Variants in CAMTA1 observed in about 807,000 individuals in gnomAD.
The protein encoded by CAMTA1 is calmodulin-binding transcription activator 1.
In CAMTA1, 27 loss-of-function variants were observed where a neutral mutation model predicts 170.9. The observed-to-expected ratio is 0.16, with a 90% CI of 0.12 to 0.22. CAMTA1 has a LOEUF of 0.22. Ranked by LOEUF, CAMTA1 falls within the 10% of genes least tolerant of loss-of-function variation. CAMTA1 has a pLI of 1.00. For synonymous variants in CAMTA1, 833 were observed against 891.5 expected (o/e 0.93, Z 1.17); for missense variants, 1,619 against 2,217.2 (o/e 0.73, Z 5.42).
intron 3 of CAMTA1, among the ~76,000 whole-genome samples, chr1:6,866,728 G>A (rs1404013313): frequency 2.0e-5 from 3 of 152,162 alleles, no homozygotes; most frequent in Non-Finnish European, 2.9e-5. Flanking sequence ...TCTCTTTTTA[G>A]CGAAACTATG....
intron 5 of CAMTA1, among the ~76,000 whole-genome samples, chr1:7,306,183 C>A (rs748826501): frequency 6.6e-6 from 1 of 151,966 alleles, no homozygotes; most frequent in Non-Finnish European, 1.5e-5. Flanking sequence ...TTATGTCTAG[C>A]AAATATTTGC....
Position 7,092,997 on chromosome 1 carries a change from G to A in CAMTA1, c.302+1626G>A, listed in dbSNP as rs1397097561. Among the ~76,000 whole-genome samples, 1 of 152,220 alleles carries A rather than the reference G, an allele frequency of 6.6e-6. No individual in the cohort carries two copies. Among genetic ancestry groups the A allele is most frequent in the African/African-American group, 2.4e-5 (1 of 41,452 alleles). On this transcript the variant is annotated intron_variant, in intron 4 of 22. Transcript: ENST00000303635. The surrounding 1 kb of genome is among the most constrained non-coding windows in gnomAD (Gnocchi z 5.0). ...GGCCAAGCCCAGTAAGAATGGGGCT[G>A]GGAAGGACATCCCTCCACAGAGTGG...
intron 6 of CAMTA1, among the ~76,000 whole-genome samples, chr1:7,495,885 G>A (rs1004442777): frequency 6.6e-6 from 1 of 152,240 alleles, no homozygotes; most frequent in African/African-American, 2.4e-5. Context: ...AAGCCTGCGA[G>A]TCCTGGGAGG....
rs1409076417 is a variant in CAMTA1 at position 7,092,040 on chromosome 1, T to C, written c.302+669T>C. 6.6e-6 allele frequency among the ~76,000 whole-genome samples: 1 copy of C among 152,216 alleles called. No homozygotes were observed. Among genetic ancestry groups the C allele is most frequent in the Non-Finnish European group, 1.5e-5 (1 of 68,042 alleles). ...AGCCTCTTTTGGTCCTCCCCAACTC[T>C]AGGTTTTTATTTTTGGAATGTTACA... On this transcript the variant is annotated intron_variant, in intron 4 of 22. Transcript: ENST00000303635. This position sits in a 1 kb window ranked among gnomAD's most constrained non-coding sequence, Gnocchi z 5.0.
intron 5 of CAMTA1, among the ~76,000 whole-genome samples, chr1:7,453,750 A>G (rs2149473549): frequency 6.6e-6 from 1 of 152,346 alleles, no homozygotes; most frequent in East Asian, 1.9e-4. Flanking sequence ...GCTGACCCTT[A>G]GGCAGAAGAA....
At chr1:7,246,988 C>T (rs929731505) in intron 4 of CAMTA1, among the ~76,000 whole-genome samples, 2 of 152,190 alleles carry the variant, frequency 1.3e-5, no homozygotes, top group African/African-American at 2.4e-5. Context: ...GCCTCATTTT[C>T]TTTGCCTTGG....
rs774532391 is a variant in CAMTA1, at chr1:7,748,608, T to C, written c.4689+827T>C. ...GGGAATCCAGGGTGTGATACCGTGA[T>C]TGGAGAAAGTAAATGCTGGCTATTT... On this transcript the variant is annotated intron_variant, in intron 19 of 22. Transcript: ENST00000303635. The surrounding 1 kb of genome is among the most constrained non-coding windows in gnomAD (Gnocchi z 4.7). Among the ~76,000 whole-genome samples the C allele has an allele frequency of 1.3e-5, 2 of 152,234 alleles. No homozygotes were observed. The highest frequency in any genetic ancestry group is 2.9e-5 in the Non-Finnish European group (2 of 68,044).
intron 6 of CAMTA1, among the ~76,000 whole-genome samples, chr1:7,539,852 G>A (rs2094588972): frequency 6.6e-6 from 1 of 152,246 alleles, no homozygotes; most frequent in Non-Finnish European, 1.5e-5. Flanking sequence ...ATGAGTCAGA[G>A]AACTAGCGGG....
chr1:7,743,587 C>T (rs919198554), intron 16 of CAMTA1, among the ~76,000 whole-genome samples: 4 of 152,224 alleles, frequency 2.6e-5, no homozygotes, highest in East Asian at 1.9e-4. Context: ...CAGCCCACTG[C>T]GGCTGTTTCC....
chr1:7,730,437 G>A (rs548465601), intron 11 of CAMTA1, among the ~76,000 whole-genome samples: 9 of 152,304 alleles, frequency 5.9e-5, no homozygotes, highest in Non-Finnish European at 7.4e-5. Flanking sequence ...ATCATTCTGA[G>A]CAAACTCGAA....
intron 4 of CAMTA1, among the ~76,000 whole-genome samples, chr1:7,186,167 A>G (rs560132293): frequency 6.6e-6 from 1 of 152,190 alleles, no homozygotes; most frequent in East Asian, 1.9e-4. Context: ...AGGGAGAGCA[A>G]AAGAGCAAAA....
chr1:7,290,637 C>G (rs754175938), intron 5 of CAMTA1, among the ~76,000 whole-genome samples: 3 of 152,120 alleles, frequency 2.0e-5, no homozygotes, highest in Non-Finnish European at 2.9e-5. Flanking sequence ...TTAGTGCTTT[C>G]TCCGCATATA....
chr1:6,830,844 A>C (rs1464045016), intron 3 of CAMTA1, among the ~76,000 whole-genome samples: 10 of 151,506 alleles, frequency 6.6e-5, no homozygotes, highest in African/African-American at 7.3e-5. Context: ...TTTGAGATGG[A>C]GTCTCACTCT....
At chr1:7,208,487 G>T (rs1210706838) in intron 4 of CAMTA1, among the ~76,000 whole-genome samples, 1 of 152,220 alleles carries the variant, frequency 6.6e-6, no homozygotes, top group African/African-American at 2.4e-5. Flanking sequence ...TGTGCTAGGT[G>T]ATGTGAAAGC....
rs2095306529 is a variant in CAMTA1 at position 7,585,978 on chromosome 1, G to T, written c.511-54422G>T. ...CCAGCTCCTCACATGCACTCACAGG[G>T]CAGGGACAAGTTTGCGGTAGAAATC... is the stretch of plus-strand genomic sequence containing the variant. On this transcript the variant is annotated intron_variant, in intron 6 of 22. Transcript: ENST00000303635. This position sits in a 1 kb window ranked among gnomAD's most constrained non-coding sequence, Gnocchi z 4.8. Among the ~76,000 whole-genome samples, 1 of 152,130 alleles carries T rather than the reference G, an allele frequency of 6.6e-6. No homozygotes were observed. The highest frequency in any genetic ancestry group is 1.5e-5 in the Non-Finnish European group (1 of 68,034).
rs70987364 is a variant in CAMTA1 at position 7,688,011 on chromosome 1, C to CTTTT, written c.2914+10292_2914+10295dup. Among the ~76,000 whole-genome samples, 97 of 103,264 alleles carry CTTTT rather than the reference C, an allele frequency of 9.4e-4. 4 individuals carry two copies. Among genetic ancestry groups the CTTTT allele is most frequent in the African/African-American group, 3.5e-3 (94 of 26,924 alleles). 67.7% of individuals were successfully genotyped at this position (103,264 alleles called of 152,430 possible). ...CGATTACGTCGGACTCTCATTATTCCTTTTTTTTTTTTTTTTTGGCAGAGT... is the reference window on the plus strand; with the variant it reads ...CGATTACGTCGGACTCTCATTATTCCTTTTTTTTTTTTTTTTTTTTTGGCAGAGT... On this transcript the variant is annotated intron_variant, in intron 11 of 22. Coordinates refer to ENST00000303635, the MANE Select transcript of CAMTA1 (RefSeq NM_015215.4).
chr1:7,453,745 C>A (rs2092885373), intron 5 of CAMTA1, among the ~76,000 whole-genome samples: 1 of 152,208 alleles, frequency 6.6e-6, no homozygotes, highest in Non-Finnish European at 1.5e-5. Context: ...AGAGAGCTGA[C>A]CCTTAGGCAG....
At chr1:7,766,252 G>GT (rs2097023707) in intron 22 of CAMTA1, among the ~76,000 whole-genome samples, 1 of 68,584 alleles carries the variant, frequency 1.5e-5, no homozygotes, top group South Asian at 4.5e-4. Context: ...GCTTTAGAAT[G>GT]ATTTTTTTTT....
chr1:7,188,470 T>C (rs960827763), intron 4 of CAMTA1, among the ~76,000 whole-genome samples: 2 of 152,158 alleles, frequency 1.3e-5, no homozygotes, highest in East Asian at 3.9e-4. Flanking sequence ...AGTAACTCCC[T>C]CCCTCTCCCC....
Sources: gnomAD v4.1 joint callset for allele counts (sites outside exome capture counted in the v4.1 genomes callset) on GRCh38, gnomAD v4.1.1 for gene constraint, Gnocchi (gnomAD v3.1) non-coding constraint, MANE v1.5 for transcripts, NCBI Gene and HGNC (gene_info 2026-07-23, HGNC 2026-07-21) for gene names.